CCSER1: variants seen among roughly 807,000 people sequenced by gnomAD.
CCSER1 encodes coiled-coil serine rich protein 1, also known as serine-rich coiled-coil domain-containing protein 1.
In CCSER1, 41 loss-of-function variants were observed where a neutral mutation model predicts 82.0. The ratio of observed to expected loss-of-function variants is 0.50; its 90% CI spans 0.39 to 0.65. CCSER1 has a LOEUF of 0.65. CCSER1 is among the 30% of genes least tolerant of loss of function. The pLI, the probability that CCSER1 is intolerant of heterozygous loss-of-function variation, is 0.00. For missense variants in CCSER1, 1,119 were observed against 1,064.2 expected, an observed-to-expected ratio of 1.05 and a Z score of -0.72; for synonymous variants, 414 against 383.9, an observed-to-expected ratio of 1.08 and a Z score of -0.92.
intron 10 of CCSER1, among the ~76,000 whole-genome samples, chr4:91,573,129 T>G (rs1763272687): frequency 6.6e-6 from 1 of 152,184 alleles, no homozygotes; most frequent in African/African-American, 2.4e-5. Context: ...AGAGCAGTTG[T>G]GCTGTGCTGG....
At chr4:91,266,343 C>T (rs1167035488) in intron 10 of CCSER1, among the ~76,000 whole-genome samples, 4 of 151,866 alleles carry the variant, frequency 2.6e-5, no homozygotes, top group African/African-American at 9.7e-5. Context: ...AGCTCCGCCT[C>T]CTGGGTTCAC....
chr4:91,456,517 T>C (rs1475951662), intron 10 of CCSER1, among the ~76,000 whole-genome samples: 2 of 152,148 alleles, frequency 1.3e-5, no homozygotes, highest in African/African-American at 4.8e-5. Context: ...TTTCTAACTG[T>C]ATTTTTCAAC....
chr4:90,972,773 T>C (rs900663496), intron 9 of CCSER1, among the ~76,000 whole-genome samples: 2 of 151,652 alleles, frequency 1.3e-5, no homozygotes, highest in African/African-American at 4.8e-5. Flanking sequence ...ATTATTAAAA[T>C]AAAGTAATCA....
chr4:90,857,966 A>G (rs1764648522), intron 8 of CCSER1, among the ~76,000 whole-genome samples: 3 of 152,126 alleles, frequency 2.0e-5, no homozygotes, highest in South Asian at 2.1e-4. Flanking sequence ...CCACTTTACT[A>G]TATCTACATA....
chr4:90,882,754 T>TG (rs757580295), intron 8 of CCSER1, among the ~76,000 whole-genome samples: 4 of 151,868 alleles, frequency 2.6e-5, no homozygotes, highest in Non-Finnish European at 5.9e-5. Flanking sequence ...ACTTTAACAC[T>TG]GAAAAAAAAC....
chr4:90,478,478 G>T (rs943332521), intron 5 of CCSER1, among the ~76,000 whole-genome samples: 1 of 151,974 alleles, frequency 6.6e-6, no homozygotes, highest in Non-Finnish European at 1.5e-5. Context: ...TATAAATTAG[G>T]GTTGTAAACT....
intron 10 of CCSER1, among the ~76,000 whole-genome samples, chr4:91,536,154 A>G (rs973906653): frequency 5.9e-5 from 9 of 152,164 alleles, no homozygotes; most frequent in African/African-American, 1.9e-4. Context: ...GTGTGGAAGA[A>G]TGAACAGTTG....
At chr4:90,728,781 T>TA (rs1418093214) in intron 7 of CCSER1, among the ~76,000 whole-genome samples, 1 of 152,188 alleles carries the variant, frequency 6.6e-6, no homozygotes, top group Middle Eastern at 3.2e-3. Context: ...TAATGTGTAG[T>TA]AACACACAGT....
At chr4:91,256,583 A>G (rs1740699410) in intron 10 of CCSER1, among the ~76,000 whole-genome samples, 1 of 152,100 alleles carries the variant, frequency 6.6e-6, no homozygotes, top group African/African-American at 2.4e-5. Flanking sequence ...TCCCTTTTTT[A>G]GTCTTTCCCT....
rs935595995 is a variant in CCSER1 at position 90,779,987 on chromosome 4, T to C, written c.2011-35775T>C. Reference sequence around the variant, plus strand: ...TTTAAATTATTCTTTAAATAATTCTTGTGCTGCTGAATTAACCGAGCCTGG... The same window carrying C: ...TTTAAATTATTCTTTAAATAATTCTCGTGCTGCTGAATTAACCGAGCCTGG... On this transcript the variant is annotated intron_variant, in intron 7 of 10. Transcript: ENST00000509176. 2.0e-5 allele frequency among the ~76,000 whole-genome samples: 3 copies of C among 152,352 alleles called. No individual in the cohort carries two copies. The East Asian group carries it at 5.8e-4, about 29-fold the overall frequency.
chr4:91,371,277 C>T (rs2149324474), intron 10 of CCSER1, among the ~76,000 whole-genome samples: 1 of 151,992 alleles, frequency 6.6e-6, no homozygotes, highest in East Asian at 1.9e-4. Flanking sequence ...TCCCCACTTA[C>T]CGTGCCCCCA....
At chr4:90,659,743 G>A (rs889670489) in intron 6 of CCSER1, among the ~76,000 whole-genome samples, 1 of 151,918 alleles carries the variant, frequency 6.6e-6, no homozygotes, top group African/African-American at 2.4e-5. Flanking sequence ...AGCTGCCTGT[G>A]TTTTTATAAG....
intron 9 of CCSER1, among the ~76,000 whole-genome samples, chr4:90,931,718 A>G (rs932124234): frequency 6.6e-6 from 1 of 152,022 alleles, no homozygotes; most frequent in East Asian, 1.9e-4. Flanking sequence ...TGACAACTCT[A>G]CTTGTACTTG....
rs75338227 is a variant in CCSER1, at chr4:90,524,958, A to G, written c.1724+56604A>G. Among the ~76,000 whole-genome samples, 137 of 152,216 alleles carry G rather than the reference A, an allele frequency of 9.0e-4. No homozygotes were observed. In the Middle Eastern group the frequency reaches 0.014, roughly 15 times the overall value. ...GTGAAAGCAGTAAAAGATATATGAA[A>G]CTTAATCTCCTCATTTAAAATCATG... On this transcript the variant is annotated intron_variant, in intron 5 of 10. Coordinates refer to ENST00000509176, the MANE Select transcript of CCSER1 (RefSeq NM_001145065.2).
intron 10 of CCSER1, among the ~76,000 whole-genome samples, chr4:91,372,858 C>T (rs573612997): frequency 4.6e-5 from 7 of 152,092 alleles, no homozygotes; most frequent in East Asian, 1.9e-4. Context: ...TGAAGTGCAA[C>T]GCTAAAGTCA....
intron 1 of CCSER1, among the ~76,000 whole-genome samples, chr4:90,271,755 T>G (rs866275480): frequency 2.2e-5 from 3 of 137,132 alleles, no homozygotes; most frequent in Middle Eastern, 3.9e-3. Flanking sequence ...GACAAGGAAT[T>G]AATAACCAGA....
At chr4:90,194,767 G>C (rs905767337) in intron 1 of CCSER1, among the ~76,000 whole-genome samples, 3 of 152,020 alleles carry the variant, frequency 2.0e-5, no homozygotes, top group Non-Finnish European at 2.9e-5. Flanking sequence ...AAAAAAACAT[G>C]CTAGCTTTAT....
At chr4:91,359,706 A>C (rs571506965) in intron 10 of CCSER1, among the ~76,000 whole-genome samples, 2 of 151,794 alleles carry the variant, frequency 1.3e-5, no homozygotes, top group Non-Finnish European at 3.0e-5. Context: ...GCGTTGCTGT[A>C]GTGAAACAAA....
intron 3 of CCSER1, among the ~76,000 whole-genome samples, chr4:90,390,439 A>T (rs1458689469): frequency 6.6e-6 from 1 of 152,068 alleles, no homozygotes; most frequent in Non-Finnish European, 1.5e-5. Context: ...CTGACCCTTT[A>T]TCTCCCACAT....
Sources: gnomAD v4.1 joint callset for allele counts (sites outside exome capture counted in the v4.1 genomes callset) on GRCh38, gnomAD v4.1.1 for gene constraint, MANE v1.5 for transcripts, NCBI Gene and HGNC (gene_info 2026-07-23, HGNC 2026-07-21) for gene names.